Variants in WIF1 observed in about 807,000 individuals in gnomAD.
WIF1 encodes the protein Wnt inhibitory factor 1.
WIF1 carries 35 observed loss-of-function variants against 53.5 expected under a neutral mutation model. That is an observed-to-expected ratio of 0.65 (90% CI 0.50 to 0.87). The LOEUF (loss-of-function observed/expected upper bound fraction) is 0.87, where lower values mean the gene tolerates loss of function less well. Ranked by LOEUF, WIF1 falls within the 40% of genes least tolerant of loss-of-function variation. The pLI is 0.00. For synonymous variants in WIF1, 171 were observed against 170.4 expected (o/e 1.00, Z -0.03); for missense variants, 467 against 476.8 (o/e 0.98, Z 0.19).
At chr12:65,087,961 G>C (rs1027298962) in intron 2 of WIF1, among the ~76,000 whole-genome samples, 9 of 152,124 alleles carry the variant, frequency 5.9e-5, no homozygotes, top group Non-Finnish European at 1.2e-4. Flanking sequence ...TTGCCTAAAA[G>C]ATATAACATA....
In WIF1 at chr12:65,121,184, C is replaced by A. The variant is rs760642425; in HGVS notation, c.8G>T (p.Arg3Leu). ...CGCGGCGGCAGGGAAGGCGCTCCTC[C>A]GGGCCATGCTGCTCAGGACCTCCTC... The part of the protein sequence containing the change: MA[R>L]RSAFPAAALW... The change falls in exon 1 of 10, where the codon CGG (arginine) becomes CTG (leucine). Residue 3 changes from arginine (R) to leucine (L), a missense_variant. Physicochemically the swap from Arg to Leu is moderately radical, Grantham distance 102. Coordinates refer to ENST00000286574, the MANE Select transcript of WIF1 (RefSeq NM_007191.5). 2.0e-6 allele frequency: 3 copies of A among 1,535,250 alleles called. No homozygotes were observed. The highest frequency in any genetic ancestry group is 2.5e-5 in the East Asian group (1 of 40,700).
At chr12:65,063,698 CTTTTTTTT>C (rs34354517) in intron 6 of WIF1, among the ~76,000 whole-genome samples, 6 of 131,830 alleles carry the variant, frequency 4.6e-5, no homozygotes, top group East Asian at 4.5e-4. Context: ...AATCAAAACT[CTTTTTTTT>C]TTTTTTTTTG....
intron 2 of WIF1, among the ~76,000 whole-genome samples, chr12:65,087,259 T>A (rs1243352942): frequency 6.6e-6 from 1 of 152,206 alleles, no homozygotes; most frequent in Non-Finnish European, 1.5e-5. Flanking sequence ...CTTCATGCAT[T>A]TCACATGGTG....
chr12:65,106,357 G>A (rs1883351490), intron 2 of WIF1, among the ~76,000 whole-genome samples: 1 of 149,172 alleles, frequency 6.7e-6, no homozygotes, highest in South Asian at 2.1e-4. Flanking sequence ...ATATATATAT[G>A]ATCATATATA....
At chr12:65,062,763 A>G (rs1362725226) in intron 6 of WIF1, among the ~76,000 whole-genome samples, 187 bp from the exon 7 acceptor site, 1 of 152,162 alleles carries the variant, frequency 6.6e-6, no homozygotes, top group African/African-American at 2.4e-5. Flanking sequence ...AGACTCCAGA[A>G]CATAATAGGA....
intron 9 of WIF1, among the ~76,000 whole-genome samples, chr12:65,052,798 G>A (rs1306560935): frequency 6.6e-6 from 1 of 152,132 alleles, no homozygotes; most frequent in African/African-American, 2.4e-5. Flanking sequence ...CTGTTTGGAG[G>A]CTGGCAGACC....
intron 2 of WIF1, among the ~76,000 whole-genome samples, chr12:65,104,705 ACTC>A (rs771831468): frequency 6.6e-6 from 1 of 151,694 alleles, no homozygotes; most frequent in Non-Finnish European, 1.5e-5. Context: ...TTCTTCTTCT[ACTC>A]CTCCTCCTTC....
At chr12:65,094,229 A>G (rs911409628) in intron 2 of WIF1, among the ~76,000 whole-genome samples, 1 of 152,218 alleles carries the variant, frequency 6.6e-6, no homozygotes, top group Admixed American at 6.5e-5. Context: ...CCCAGATCCA[A>G]TAAACACTCA....
chr12:65,087,249 C>T (rs1180984652), intron 2 of WIF1, among the ~76,000 whole-genome samples: 1 of 152,166 alleles, frequency 6.6e-6, no homozygotes, highest in Non-Finnish European at 1.5e-5. Context: ...TTGTTCTCTC[C>T]TTCATGCATT....
At chr12:65,104,681 C>T (rs1225935825) in intron 2 of WIF1, among the ~76,000 whole-genome samples, 3 of 152,112 alleles carry the variant, frequency 2.0e-5, no homozygotes, top group African/African-American at 4.8e-5. Flanking sequence ...AAGCATTAGA[C>T]ATTTTCCTCT....
At chr12:65,120,740 C>A (rs1055789205) in intron 1 of WIF1, 184 bp from the exon 2 acceptor site, 52 of 837,418 alleles carry the variant, frequency 6.2e-5, no homozygotes, top group Non-Finnish European at 8.5e-5. Flanking sequence ...ATGATGCCAA[C>A]AGACCCATGC....
intron 3 of WIF1, among the ~76,000 whole-genome samples, chr12:65,072,694 A>C (rs1212826075): frequency 1.3e-5 from 2 of 152,300 alleles, no homozygotes; most frequent in East Asian, 3.9e-4. Context: ...AGCAACATGC[A>C]CTCAGAAAAA....
chr12:65,051,806 T>G (rs1882446116), intron 9 of WIF1, among the ~76,000 whole-genome samples: 1 of 152,220 alleles, frequency 6.6e-6, no homozygotes, highest in South Asian at 2.1e-4. Context: ...TGAATGCAGC[T>G]GCAGATTTGG....
At chr12:65,097,106 G>T (rs950894645) in intron 2 of WIF1, among the ~76,000 whole-genome samples, 3 of 150,824 alleles carry the variant, frequency 2.0e-5, no homozygotes, top group African/African-American at 7.3e-5. Context: ...TTCATGATTT[G>T]TGTGGATGTA....
Position 65,055,216 on chromosome 12 carries a change from A to T in WIF1, c.923-3T>A. 6.2e-7 allele frequency: 1 copy of T among 1,611,130 alleles called. No homozygotes were observed. Among genetic ancestry groups the T allele is most frequent in the Non-Finnish European group, 8.5e-7 (1 of 1,179,262 alleles). On this transcript the variant is annotated splice_polypyrimidine_tract_variant and splice_region_variant and intron_variant, in intron 8 of 9. Coordinates refer to ENST00000286574, the MANE Select transcript of WIF1 (RefSeq NM_007191.5). ...ACCACAGCCAGGCTCGCAGACAGCT[A>T]GAATCAAAAGAAATAAAAAGAGTAT... is the stretch of plus-strand genomic sequence containing the variant.
rs114424874 is a variant in WIF1 at position 65,064,764 on chromosome 12, A to G, written c.730+1877T>C. On this transcript the variant is annotated intron_variant, in intron 6 of 9. Coordinates refer to ENST00000286574, the MANE Select transcript of WIF1 (RefSeq NM_007191.5). Reference sequence around the variant, plus strand: ...ATATAGATAGATATATTACTTTGCAAGTGACCATGTGGTGTTTGTGACACC... The same window carrying G: ...ATATAGATAGATATATTACTTTGCAGGTGACCATGTGGTGTTTGTGACACC... 2.3e-3 allele frequency among the ~76,000 whole-genome samples: 355 copies of G among 152,312 alleles called. 1 individual carries two copies. Among genetic ancestry groups the G allele is most frequent in the African/African-American group, 8.1e-3 (337 of 41,578 alleles).
intron 2 of WIF1, among the ~76,000 whole-genome samples, chr12:65,082,115 G>A (rs944210464): frequency 3.3e-5 from 5 of 152,094 alleles, no homozygotes; most frequent in East Asian, 1.9e-4. Flanking sequence ...ATATATTTAC[G>A]CCATACTCTA....
In WIF1 at chr12:65,121,305, T is replaced by G; in HGVS notation, c.-114A>C. 1 of 1,265,948 alleles carries G rather than the reference T, an allele frequency of 7.9e-7. No individual in the cohort carries two copies. Among genetic ancestry groups the G allele is most frequent in the Non-Finnish European group, 1.0e-6 (1 of 1,000,546 alleles). 78.4% of individuals were successfully genotyped at this position (1,265,948 alleles called of 1,614,324 possible). A position where few individuals can be genotyped will look rare whatever the true frequency, so the allele number is the denominator to read the frequency against. ...TCCCTCAGCCAGGGCTGTTCCCGTT[T>G]AGACGGCTGGGCGCGTCGCCTCCCG... On this transcript the variant is annotated 5_prime_UTR_variant, in exon 1 of 10. Coordinates refer to ENST00000286574, the MANE Select transcript of WIF1 (RefSeq NM_007191.5).
intron 3 of WIF1, among the ~76,000 whole-genome samples, chr12:65,069,500 C>A (rs1480983082): frequency 6.6e-6 from 1 of 152,064 alleles, no homozygotes. Context: ...AGTCATTGGA[C>A]CGAGTTAATG....
Sources: allele counts gnomAD v4.1 joint callset (sites outside exome capture counted in the v4.1 genomes callset), GRCh38; gene constraint gnomAD v4.1.1; transcripts MANE v1.5; gene names NCBI Gene and HGNC (gene_info 2026-07-23, HGNC 2026-07-21).